ERBB4: variants seen among roughly 807,000 people sequenced by gnomAD.
ERBB4 encodes receptor tyrosine-protein kinase erbB-4.
Under a neutral mutation model 158.0 loss-of-function variants are expected in ERBB4, and 42 were observed. That is an observed-to-expected ratio of 0.27 (90% CI 0.21 to 0.34). ERBB4 has a LOEUF of 0.34. ERBB4 is among the 10% of genes least tolerant of loss of function. ERBB4 has a pLI of 1.00. For synonymous variants in ERBB4, 583 were observed against 558.7 expected (o/e 1.04, Z -0.61); for missense variants, 1,333 against 1,624.1 (o/e 0.82, Z 3.08).
intron 19 of ERBB4, among the ~76,000 whole-genome samples, chr2:211,591,612 A>C (rs1190870422): frequency 6.6e-6 from 1 of 152,178 alleles, no homozygotes; most frequent in Non-Finnish European, 1.5e-5. Context: ...CCAGGCTCCC[A>C]CAGCATGTAA....
chr2:212,107,434 C>G (rs1328729575), intron 2 of ERBB4, among the ~76,000 whole-genome samples: 1 of 152,134 alleles, frequency 6.6e-6, no homozygotes, highest in African/African-American at 2.4e-5. Context: ...TGTATTTATC[C>G]AATGCCTGTA....
chr2:212,453,784 T>G (rs1019570057), intron 1 of ERBB4, among the ~76,000 whole-genome samples: 6 of 152,196 alleles, frequency 3.9e-5, no homozygotes, highest in Admixed American at 1.3e-4. Flanking sequence ...ACTACAGATT[T>G]TAATCATGTT....
At chr2:211,936,384 T>C (rs549960274) in intron 3 of ERBB4, among the ~76,000 whole-genome samples, 6 of 152,144 alleles carry the variant, frequency 3.9e-5, no homozygotes, top group East Asian at 1.9e-4. Flanking sequence ...ACTGAGTAAA[T>C]TGAATGCTCT....
intron 1 of ERBB4, among the ~76,000 whole-genome samples, chr2:212,198,208 T>C (rs550890297): frequency 7.9e-5 from 12 of 152,338 alleles, no homozygotes; most frequent in Non-Finnish European, 1.5e-4. Flanking sequence ...TTTTTTAAAT[T>C]GTGATATATA....
intron 3 of ERBB4, among the ~76,000 whole-genome samples, chr2:211,801,374 A>G (rs1461056645): frequency 3.3e-5 from 5 of 152,148 alleles, no homozygotes; most frequent in Admixed American, 6.5e-5. Context: ...TTCTTGAAAT[A>G]TATATTTTTT....
intron 1 of ERBB4, among the ~76,000 whole-genome samples, chr2:212,399,771 C>G (rs2091148297): frequency 6.7e-6 from 1 of 150,228 alleles, no homozygotes; most frequent in Non-Finnish European, 1.5e-5. Context: ...CCCAGCTGCT[C>G]AGGAGGCTGA....
At chr2:212,284,040 T>A (rs16848153) in intron 1 of ERBB4, among the ~76,000 whole-genome samples, 1 of 152,034 alleles carries the variant, frequency 6.6e-6, no homozygotes, top group African/African-American at 2.4e-5. Flanking sequence ...ACAGTGAACA[T>A]AGCTAGAACA....
chr2:211,614,031 A>G (rs1351257994), intron 19 of ERBB4, among the ~76,000 whole-genome samples: 7 of 152,110 alleles, frequency 4.6e-5, no homozygotes, highest in Non-Finnish European at 1.0e-4. Flanking sequence ...GTGTCCATCA[A>G]CAGATGTAGG....
chr2:212,100,523 T>C (rs866510848), intron 2 of ERBB4, among the ~76,000 whole-genome samples: 1 of 152,230 alleles, frequency 6.6e-6, no homozygotes, highest in Non-Finnish European at 1.5e-5. Flanking sequence ...TTCATAGGCA[T>C]GTTGTTTTAA....
At chr2:211,754,275 G>C (rs2075228980) in intron 4 of ERBB4, among the ~76,000 whole-genome samples, 1 of 152,184 alleles carries the variant, frequency 6.6e-6, no homozygotes, top group African/African-American at 2.4e-5. Context: ...GCCACGAAGA[G>C]AGGAATTAGT....
At chr2:211,491,220 A>C (rs2125571009) in intron 20 of ERBB4, among the ~76,000 whole-genome samples, 1 of 152,218 alleles carries the variant, frequency 6.6e-6, no homozygotes, top group East Asian at 1.9e-4. Context: ...CAAGTGGTTT[A>C]GCACAAACCA....
intron 20 of ERBB4, among the ~76,000 whole-genome samples, chr2:211,497,985 G>T (rs1458853700): frequency 6.6e-6 from 1 of 152,198 alleles, no homozygotes; most frequent in South Asian, 2.1e-4. Context: ...TAATGTGCAA[G>T]GTTCTGCCAA....
At chr2:211,786,761 T>C (rs1156546923) in intron 4 of ERBB4, among the ~76,000 whole-genome samples, 2 of 152,126 alleles carry the variant, frequency 1.3e-5, no homozygotes, top group African/African-American at 4.8e-5. Flanking sequence ...CCAACCAATA[T>C]CCACACCTCC....
At chr2:212,161,115 C>T (rs1463654240) in intron 1 of ERBB4, among the ~76,000 whole-genome samples, 1 of 151,928 alleles carries the variant, frequency 6.6e-6, no homozygotes, top group East Asian at 1.9e-4. Context: ...AGATGGAAGG[C>T]TGCTTAAAAT....
At chr2:211,574,651 T>C (rs2067838366) in intron 19 of ERBB4, among the ~76,000 whole-genome samples, 1 of 152,188 alleles carries the variant, frequency 6.6e-6, no homozygotes, top group Non-Finnish European at 1.5e-5. Flanking sequence ...TAATGTGCTA[T>C]AAAGAAGGAA....
intron 1 of ERBB4, among the ~76,000 whole-genome samples, chr2:212,293,738 C>A (rs2086291779): frequency 6.6e-6 from 1 of 150,418 alleles, no homozygotes; most frequent in Non-Finnish European, 1.5e-5. Context: ...ATCCCAGCTA[C>A]TCAGGAGGCT....
At chr2:211,714,564 G>T (rs62182967) in intron 7 of ERBB4, among the ~76,000 whole-genome samples, 1 of 152,200 alleles carries the variant, frequency 6.6e-6, no homozygotes, top group Admixed American at 6.5e-5. Flanking sequence ...AATATGCCAT[G>T]TAGATTTATG....
intron 4 of ERBB4, among the ~76,000 whole-genome samples, chr2:211,754,441 G>A (rs12052855): frequency 0.31 from 44,951 of 146,520 alleles, 6,986 homozygotes; most frequent in South Asian, 0.43. Context: ...TCGCTCTGTT[G>A]CACAGGCTGG....
In ERBB4 at chr2:211,604,866, T is replaced by C. The variant is rs139959038; in HGVS notation, c.2301+14311A>G. On this transcript the variant is annotated intron_variant, in intron 19 of 27. Transcript: ENST00000342788. The stretch of plus-strand genomic sequence containing the variant: ...ATCCACAAAATAACTATTTGGCATA[T>C]ATATAACCCTTTAGAAATCGAAACA... Among the ~76,000 whole-genome samples, 753 of 152,336 alleles carry C rather than the reference T, an allele frequency of 4.9e-3. 9 individuals carry two copies. The highest frequency in any genetic ancestry group is 0.018 in the African/African-American group (730 of 41,588).
Sources: gnomAD v4.1 joint callset for allele counts (sites outside exome capture counted in the v4.1 genomes callset) on GRCh38, gnomAD v4.1.1 for gene constraint, MANE v1.5 for transcripts, NCBI Gene and HGNC (gene_info 2026-07-23, HGNC 2026-07-21) for gene names.